Variants in MGAT4C observed in about 807,000 individuals in gnomAD.
MGAT4C encodes the protein alpha-1,3-mannosyl-glycoprotein 4-beta-N-acetylglucosaminyltransferase C.
MGAT4C carries 19 observed loss-of-function variants against 40.1 expected under a neutral mutation model. The ratio of observed to expected loss-of-function variants is 0.47; its 90% CI spans 0.33 to 0.70. The LOEUF (loss-of-function observed/expected upper bound fraction) is 0.70. Ranked by LOEUF, MGAT4C falls within the 30% of genes least tolerant of loss-of-function variation. The pLI is 0.02. For missense variants in MGAT4C, 491 were observed against 563.2 expected, an observed-to-expected ratio of 0.87 and a Z score of 1.30; for synonymous variants, 181 against 187.1, an observed-to-expected ratio of 0.97 and a Z score of 0.27.
intron 2 of MGAT4C, among the ~76,000 whole-genome samples, chr12:86,661,765 C>G (rs1428205881): frequency 6.6e-6 from 1 of 151,880 alleles, no homozygotes; most frequent in Non-Finnish European, 1.5e-5. Context: ...ATAGTGAAAC[C>G]TTGTCTCTAC....
rs1247998275 is a variant in MGAT4C, at chr12:85,975,743, C to G, written c.*3546G>C. 6.6e-6 allele frequency: 1 copy of G among 150,748 alleles called. No homozygotes were observed. The highest frequency in any genetic ancestry group is 2.4e-5 in the African/African-American group (1 of 41,294). 9.3% of individuals were successfully genotyped at this position (150,748 alleles called of 1,614,324 possible). ...AATTAATATTAAATCTTACAAGAAA[C>G]CCCCCAAAATCAGTTGAATTTGTAC... On this transcript the variant is annotated 3_prime_UTR_variant, in exon 5 of 5. Transcript: ENST00000611864.
chr12:86,732,983 G>C (rs1387752287), intron 1 of MGAT4C, among the ~76,000 whole-genome samples: 3 of 152,100 alleles, frequency 2.0e-5, no homozygotes, highest in Admixed American at 6.6e-5. Context: ...GTACAGAGCA[G>C]AGATGTGAAC....
chr12:86,124,759 G>C (rs941216349), intron 1 of MGAT4C, among the ~76,000 whole-genome samples: 2 of 152,128 alleles, frequency 1.3e-5, no homozygotes, highest in African/African-American at 4.8e-5. Context: ...ACCTGGCACA[G>C]AGACAGGGTC....
intron 3 of MGAT4C, among the ~76,000 whole-genome samples, chr12:86,395,074 T>A (rs1435024697): frequency 6.6e-6 from 1 of 152,000 alleles, no homozygotes; most frequent in Non-Finnish European, 1.5e-5. Context: ...ATAAAAAAAA[T>A]GGTCTTGAAT....
chr12:86,538,230 A>T (rs1048766082), intron 2 of MGAT4C, among the ~76,000 whole-genome samples: 2 of 152,266 alleles, frequency 1.3e-5, no homozygotes, highest in Admixed American at 6.5e-5. Context: ...TACTGTATAG[A>T]CAGCCAGGAT....
intron 1 of MGAT4C, among the ~76,000 whole-genome samples, chr12:86,252,239 T>G (rs1195512078): frequency 1.3e-5 from 2 of 152,028 alleles, no homozygotes; most frequent in African/African-American, 4.8e-5. Context: ...CTAATTTTAC[T>G]GTCTTATTCT....
chr12:86,290,705 TAAGGA>T (rs1202649788), intron 4 of MGAT4C, among the ~76,000 whole-genome samples: 2 of 146,420 alleles, frequency 1.4e-5, no homozygotes, highest in African/African-American at 2.5e-5. Context: ...AGCTGAAAGT[TAAGGA>T]AAGAAAAAAA....
rs780161282 is a variant in MGAT4C, at chr12:85,962,231, G to A, written c.*17058C>T. 20 of 151,576 alleles carry A rather than the reference G, an allele frequency of 1.3e-4. No individual in the cohort carries two copies. Among genetic ancestry groups the A allele is most frequent in the Non-Finnish European group, 2.8e-4 (19 of 67,694 alleles). The allele number at this position is 151,576 out of a possible 1,614,324, so 9.4% of individuals were successfully genotyped here. A position where few individuals can be genotyped will look rare whatever the true frequency, so the allele number is the denominator to read the frequency against. ...ATCAGTGTCAAATACATTCATTCAT[G>A]TAGTATTTTCACATGCATTCTGGTC... On this transcript the variant is annotated 3_prime_UTR_variant, in exon 5 of 5. Coordinates refer to ENST00000611864, the MANE Select transcript of MGAT4C (RefSeq NM_001351288.2).
chr12:86,073,646 C>T (rs1020834149), intron 1 of MGAT4C, among the ~76,000 whole-genome samples: 1 of 151,940 alleles, frequency 6.6e-6, no homozygotes, highest in Non-Finnish European at 1.5e-5. Flanking sequence ...TCTGACTACT[C>T]CACTGGATTT....
chr12:86,753,652 T>C (rs921963331), intron 1 of MGAT4C, among the ~76,000 whole-genome samples: 3 of 151,874 alleles, frequency 2.0e-5, no homozygotes, highest in African/African-American at 7.3e-5. Flanking sequence ...TATATACATA[T>C]AAAGGACTTT....
chr12:86,702,753 A>G (rs1289410121), intron 2 of MGAT4C, among the ~76,000 whole-genome samples: 3 of 152,158 alleles, frequency 2.0e-5, no homozygotes, highest in Non-Finnish European at 2.9e-5. Context: ...TGATGTACAA[A>G]GAGATTAATG....
At chr12:86,327,058 G>A (rs1219445295) in intron 4 of MGAT4C, among the ~76,000 whole-genome samples, 4 of 152,080 alleles carry the variant, frequency 2.6e-5, no homozygotes, top group Non-Finnish European at 5.9e-5. Context: ...AATTAGTTAT[G>A]TATGTACTCA....
At chr12:86,176,951 A>C (rs898347476) in intron 1 of MGAT4C, among the ~76,000 whole-genome samples, 1 of 151,194 alleles carries the variant, frequency 6.6e-6, no homozygotes, top group Non-Finnish European at 1.5e-5. Context: ...GCACCATTTA[A>C]AGTTATGTAA....
At chr12:86,157,007 G>C (rs1440137438) in intron 1 of MGAT4C, among the ~76,000 whole-genome samples, 2 of 151,828 alleles carry the variant, frequency 1.3e-5, no homozygotes, top group Non-Finnish European at 2.9e-5. Flanking sequence ...CCTGGATACT[G>C]CAGAAATATT....
intron 3 of MGAT4C, 67 bp from the exon 4 acceptor site, chr12:85,983,737 C>A (rs1884893552): frequency 1.6e-6 from 2 of 1,266,842 alleles, no homozygotes; most frequent in East Asian, 2.5e-5. Flanking sequence ...AATAAAGTTT[C>A]TTTTTTACAC....
chr12:86,504,899 G>A (rs973344823), intron 2 of MGAT4C, among the ~76,000 whole-genome samples: 7 of 151,984 alleles, frequency 4.6e-5, no homozygotes, highest in Admixed American at 2.0e-4. Flanking sequence ...TGCCCGCCTC[G>A]GCTTCACAAA....
intron 1 of MGAT4C, among the ~76,000 whole-genome samples, chr12:86,213,798 A>C (rs1407541957): frequency 1.3e-5 from 2 of 152,238 alleles, no homozygotes; most frequent in Non-Finnish European, 2.9e-5. Flanking sequence ...TAGAAGTTTG[A>C]AATCAGTGTA....
intron 1 of MGAT4C, among the ~76,000 whole-genome samples, chr12:86,150,418 C>T (rs1884128014): frequency 6.6e-6 from 1 of 152,202 alleles, no homozygotes; most frequent in South Asian, 2.1e-4. Flanking sequence ...AGTTATTACT[C>T]AATAACTGTC....
intron 2 of MGAT4C, among the ~76,000 whole-genome samples, chr12:86,637,103 T>C (rs1184913250): frequency 6.6e-6 from 1 of 151,886 alleles, no homozygotes; most frequent in Non-Finnish European, 1.5e-5. Context: ...TGACTGATTA[T>C]AACAGGACAA....
Sources: allele counts gnomAD v4.1 joint callset (sites outside exome capture counted in the v4.1 genomes callset), GRCh38; gene constraint gnomAD v4.1.1; transcripts MANE v1.5; gene names NCBI Gene and HGNC (gene_info 2026-07-23, HGNC 2026-07-21).